Variants in GRID2 observed in about 807,000 individuals in gnomAD.
GRID2 encodes the protein glutamate receptor ionotropic, delta-2.
In GRID2, 33 loss-of-function variants were observed where a neutral mutation model predicts 114.8. That is an observed-to-expected ratio of 0.29 (90% CI 0.22 to 0.38). GRID2 has a LOEUF of 0.38. Among genes scored for constraint, GRID2 ranks in the 10% least tolerant of loss-of-function variants. The pLI, the probability that GRID2 is intolerant of heterozygous loss-of-function variation, is 1.00. For synonymous variants in GRID2, 505 were observed against 449.9 expected (o/e 1.12, Z -1.55); for missense variants, 1,184 against 1,257.7 (o/e 0.94, Z 0.89).
At chr4:93,032,336 G>T (rs994573504) in intron 2 of GRID2, among the ~76,000 whole-genome samples, 3 of 152,158 alleles carry the variant, frequency 2.0e-5, no homozygotes, top group Non-Finnish European at 4.4e-5. Context: ...AACTATCTAG[G>T]TTTATTTTGG....
At chr4:93,680,731 C>G (rs1462710076) in intron 14 of GRID2, among the ~76,000 whole-genome samples, 101 of 151,740 alleles carry the variant, frequency 6.7e-4, no homozygotes, top group Non-Finnish European at 1.2e-3. Context: ...TTCAACAACC[C>G]TTCATGCTAA....
chr4:92,873,921 T>A (rs1025497270), intron 2 of GRID2, among the ~76,000 whole-genome samples: 1 of 152,006 alleles, frequency 6.6e-6, no homozygotes, highest in South Asian at 2.1e-4. Context: ...ACCATGCTGG[T>A]CAGGCTGGTC....
chr4:93,682,268 AAGTC>A, intron 14 of GRID2, among the ~76,000 whole-genome samples: 1 of 149,046 alleles, frequency 6.7e-6, no homozygotes, highest in Admixed American at 6.7e-5. Context: ...AATCATTAAA[AAGTC>A]AGGAAACAAC....
At chr4:93,421,847 A>C (rs1042338864) in intron 9 of GRID2, among the ~76,000 whole-genome samples, 2 of 82,760 alleles carry the variant, frequency 2.4e-5, no homozygotes, top group African/African-American at 2.6e-4. Flanking sequence ...AAAATCATTC[A>C]AAAAAAAAAA....
intron 2 of GRID2, among the ~76,000 whole-genome samples, chr4:92,898,316 C>A (rs557584546): frequency 6.6e-6 from 1 of 152,178 alleles, no homozygotes; most frequent in East Asian, 1.9e-4. Context: ...GTTACACATC[C>A]ATTTTTAACC....
At chr4:93,588,986 T>A (rs1737832947) in intron 13 of GRID2, among the ~76,000 whole-genome samples, 1 of 152,038 alleles carries the variant, frequency 6.6e-6, no homozygotes. Context: ...AGTCCTAGCT[T>A]TTCAGCGTAG....
chr4:93,186,963 G>A (rs528306550), intron 4 of GRID2, among the ~76,000 whole-genome samples: 23 of 152,132 alleles, frequency 1.5e-4, no homozygotes, highest in Non-Finnish European at 2.5e-4. Context: ...TGTCTGGTGA[G>A]GGCTCCCTCT....
chr4:93,119,618 T>A (rs1005377724), intron 4 of GRID2, among the ~76,000 whole-genome samples: 11 of 152,198 alleles, frequency 7.2e-5, no homozygotes, highest in African/African-American at 2.4e-4. Context: ...AAGGTTATTA[T>A]TATCTTGTAT....
chr4:92,892,681 GA>G (rs1409730342), intron 2 of GRID2, among the ~76,000 whole-genome samples: 1 of 152,044 alleles, frequency 6.6e-6, no homozygotes, highest in Non-Finnish European at 1.5e-5. Context: ...AAATTAATAA[GA>G]AAAATATAAA....
chr4:92,338,522 A>G (rs375188396), intron 1 of GRID2, among the ~76,000 whole-genome samples: 157 of 152,220 alleles, frequency 1.0e-3, no homozygotes, highest in African/African-American at 3.7e-3. Context: ...GACTCTTACA[A>G]TATAGGAACA....
At chr4:92,646,820 A>C (rs1731656724) in intron 2 of GRID2, among the ~76,000 whole-genome samples, 1 of 152,018 alleles carries the variant, frequency 6.6e-6, no homozygotes, top group Non-Finnish European at 1.5e-5. Flanking sequence ...ATTTATCATT[A>C]TTATCACTCC....
chr4:93,342,190 G>C (rs1278936428), intron 8 of GRID2, among the ~76,000 whole-genome samples: 1 of 152,154 alleles, frequency 6.6e-6, no homozygotes, highest in African/African-American at 2.4e-5. Flanking sequence ...GTAAGTCCAT[G>C]TAAGTCCAAC....
intron 13 of GRID2, among the ~76,000 whole-genome samples, chr4:93,525,026 A>C (rs142880513): frequency 6.6e-6 from 1 of 151,872 alleles, no homozygotes; most frequent in Non-Finnish European, 1.5e-5. Flanking sequence ...TCTTCTTTTA[A>C]TTAGCTACAT....
At chr4:93,104,043 C>G (rs1240132520) in intron 3 of GRID2, among the ~76,000 whole-genome samples, 2 of 151,860 alleles carry the variant, frequency 1.3e-5, no homozygotes, top group Non-Finnish European at 2.9e-5. Flanking sequence ...CCAACTTTCT[C>G]TCCCCGGCTA....
chr4:92,425,997 A>G (rs1732141580), intron 1 of GRID2, among the ~76,000 whole-genome samples: 1 of 152,012 alleles, frequency 6.6e-6, no homozygotes, highest in East Asian at 1.9e-4. Context: ...AGATAACCTA[A>G]TCCCACCTAC....
chr4:93,144,251 C>A (rs1256343188), intron 4 of GRID2, among the ~76,000 whole-genome samples: 4 of 152,114 alleles, frequency 2.6e-5, no homozygotes, highest in African/African-American at 9.7e-5. Context: ...CAGTAGCAGC[C>A]AACACAAACT....
intron 1 of GRID2, among the ~76,000 whole-genome samples, chr4:92,548,188 T>C (rs868631621): frequency 2.4e-4 from 37 of 151,964 alleles, no homozygotes; most frequent in African/African-American, 8.2e-4. Flanking sequence ...CAATTAAAGA[T>C]GTAATATGTT....
At chr4:92,582,417 T>A (rs959244305) in intron 1 of GRID2, among the ~76,000 whole-genome samples, 2 of 151,858 alleles carry the variant, frequency 1.3e-5, no homozygotes, top group African/African-American at 4.8e-5. Context: ...GGTTTAGAAA[T>A]TCATATCAAT....
intron 8 of GRID2, among the ~76,000 whole-genome samples, chr4:93,344,481 A>G (rs917248601): frequency 6.6e-6 from 1 of 151,806 alleles, no homozygotes; most frequent in Non-Finnish European, 1.5e-5. Context: ...TTCACAGTAT[A>G]CAAGGCAATG....
Sources: gnomAD v4.1 joint callset for allele counts (sites outside exome capture counted in the v4.1 genomes callset) on GRCh38, gnomAD v4.1.1 for gene constraint, MANE v1.5 for transcripts, NCBI Gene and HGNC (gene_info 2026-07-23, HGNC 2026-07-21) for gene names.